Variants in RNLS observed in about 807,000 individuals in gnomAD.
RNLS encodes the protein renalase.
RNLS carries 39 observed loss-of-function variants against 39.8 expected under a neutral mutation model. That is an observed-to-expected ratio of 0.98 (90% CI 0.76 to 1.28). The LOEUF (loss-of-function observed/expected upper bound fraction) is 1.28. Ranked by LOEUF, RNLS falls within the 50% of genes most tolerant of loss-of-function variation. The pLI is 0.00. For synonymous variants in RNLS, 147 were observed against 150.7 expected (o/e 0.98, Z 0.18); for missense variants, 410 against 413.3 (o/e 0.99, Z 0.07).
chr10:88,174,297 GA>G, the RNLS span, among the ~76,000 whole-genome samples: 2 of 151,914 alleles, frequency 1.3e-5, no homozygotes, highest in African/African-American at 4.8e-5. Flanking sequence ...TGTTGGATAA[GA>G]GCAGTGAAAG....
At chr10:88,418,369 C>T (rs1854169041) in intron 4 of RNLS, among the ~76,000 whole-genome samples, 1 of 152,174 alleles carries the variant, frequency 6.6e-6, no homozygotes, top group Non-Finnish European at 1.5e-5. Flanking sequence ...CTAACCTTGA[C>T]TCCTAACACT....
chr10:88,313,777 C>T (rs537318451), intron 6 of RNLS, among the ~76,000 whole-genome samples: 1 of 152,234 alleles, frequency 6.6e-6, no homozygotes, highest in East Asian at 1.9e-4. Flanking sequence ...CTTCGTTGTC[C>T]CCTAAATGAC....
At chr10:88,241,614 C>G in the RNLS span, among the ~76,000 whole-genome samples, 1 of 152,106 alleles carries the variant, frequency 6.6e-6, no homozygotes. Context: ...AGATGATCAG[C>G]CATTCATTCT....
At chr10:88,380,709 G>C (rs1269715556) in intron 4 of RNLS, among the ~76,000 whole-genome samples, 1 of 152,038 alleles carries the variant, frequency 6.6e-6, no homozygotes, top group Admixed American at 6.6e-5. Context: ...TTAGAAAAAG[G>C]CTTTCCCATT....
At chr10:88,560,400 T>G (rs1849103095) in intron 4 of RNLS, among the ~76,000 whole-genome samples, 1 of 151,656 alleles carries the variant, frequency 6.6e-6, no homozygotes, top group Non-Finnish European at 1.5e-5. Flanking sequence ...TCTCAAAAGA[T>G]CTGGGAAACG....
At chr10:88,509,299 C>T (rs77595083) in intron 4 of RNLS, among the ~76,000 whole-genome samples, 1 of 152,060 alleles carries the variant, frequency 6.6e-6, no homozygotes, top group East Asian at 1.9e-4. Flanking sequence ...CAGAATTGCA[C>T]TTGTCTGTGA....
chr10:88,539,950 C>A (rs965158048), intron 4 of RNLS, among the ~76,000 whole-genome samples: 2 of 151,954 alleles, frequency 1.3e-5, no homozygotes, highest in Non-Finnish European at 2.9e-5. Flanking sequence ...AATACTACAG[C>A]CCGTAAACTA....
At chr10:88,194,428 C>A in the RNLS span, among the ~76,000 whole-genome samples, 1 of 152,240 alleles carries the variant, frequency 6.6e-6, no homozygotes, top group Non-Finnish European at 1.5e-5. Flanking sequence ...GACAAAGTGG[C>A]TCAAGCCTCC....
the RNLS span, among the ~76,000 whole-genome samples, chr10:88,230,847 A>G: frequency 6.6e-6 from 1 of 152,244 alleles, no homozygotes; most frequent in African/African-American, 2.4e-5. Context: ...AATTATTAGT[A>G]CCAATTAATA....
Position 88,438,270 on chromosome 10 carries a change from C to T in RNLS, c.527-75545G>A, listed in dbSNP as rs190712460. On this transcript the variant is annotated intron_variant, in intron 4 of 6. Transcript: ENST00000331772. ...GCAGAGGGCAAAATTGACACTCTGA[C>T]GATGGCAGAAGGAGAAAATAGAAAG... Among the ~76,000 whole-genome samples the T allele has an allele frequency of 4.2e-3, 634 of 152,150 alleles. 2 individuals carry two copies. The highest frequency in any genetic ancestry group is 0.01 in the Middle Eastern group (3 of 294).
In RNLS at chr10:88,284,145, TATA is replaced by T. The variant is rs1843122336; in HGVS notation, c.*1206_*1208del. 1.5e-5 allele frequency: 15 copies of T among 985,274 alleles called. No individual in the cohort carries two copies. Among genetic ancestry groups the T allele is most frequent in the African/African-American group, 1.7e-5 (1 of 57,342 alleles). The allele number at this position is 985,274 out of a possible 1,614,324, so 61.0% of individuals were successfully genotyped here. A position where few individuals can be genotyped will look rare whatever the true frequency, so the allele number is the denominator to read the frequency against. Reference sequence around the variant, plus strand: ...ACCAATTTATTGCTAAGAGGAAACATATAATAATATGCTATAGGGTCATAAAAC... The same window carrying T: ...ACCAATTTATTGCTAAGAGGAAACATATAATATGCTATAGGGTCATAAAAC... On this transcript the variant is annotated 3_prime_UTR_variant, in exon 7 of 7. Transcript: ENST00000331772.
At chr10:88,238,706 A>G in the RNLS span, among the ~76,000 whole-genome samples, 1 of 152,220 alleles carries the variant, frequency 6.6e-6, no homozygotes, top group Non-Finnish European at 1.5e-5. Context: ...CACGCTGTGG[A>G]GCCAACATGT....
intron 4 of RNLS, among the ~76,000 whole-genome samples, chr10:88,404,944 T>C (rs1389641972): frequency 6.6e-6 from 1 of 151,972 alleles, no homozygotes. Context: ...AATTGGCAAA[T>C]AAATATTCTC....
intron 4 of RNLS, among the ~76,000 whole-genome samples, chr10:88,413,729 G>A (rs1853844335): frequency 6.6e-6 from 1 of 152,196 alleles, no homozygotes; most frequent in Admixed American, 6.5e-5. Context: ...TTGGTTGACA[G>A]ATAGGATTTG....
intron 4 of RNLS, among the ~76,000 whole-genome samples, chr10:88,549,477 G>C (rs767192659): frequency 3.9e-5 from 6 of 152,022 alleles, no homozygotes; most frequent in Non-Finnish European, 8.8e-5. Flanking sequence ...GAAGCAGGAG[G>C]ATCAATTAAG....
At chr10:88,222,546 C>G in the RNLS span, among the ~76,000 whole-genome samples, 1 of 152,068 alleles carries the variant, frequency 6.6e-6, no homozygotes, top group African/African-American at 2.4e-5. Flanking sequence ...TGTCATGAAC[C>G]TCAGATGACA....
intron 6 of RNLS, among the ~76,000 whole-genome samples, chr10:88,287,480 C>T (rs1038826006): frequency 1.3e-5 from 2 of 152,074 alleles, no homozygotes; most frequent in African/African-American, 4.8e-5. Context: ...TAAAACACTA[C>T]AGGAAGAAGA....
At chr10:88,428,475 A>C (rs1288276048) in intron 4 of RNLS, among the ~76,000 whole-genome samples, 1 of 152,018 alleles carries the variant, frequency 6.6e-6, no homozygotes, top group African/African-American at 2.4e-5. Flanking sequence ...GCACAACCGA[A>C]GACTAATCTG....
Position 88,321,039 on chromosome 10 carries a change from T to C in RNLS, c.701-6398A>G, listed in dbSNP as rs111229051. ...ACAGAACAGTCTCTAAAATTGACTA[T>C]ATGATTGGCCATATAGCAAATCTTA... On this transcript the variant is annotated intron_variant, in intron 5 of 6. Coordinates refer to ENST00000331772, the MANE Select transcript of RNLS (RefSeq NM_001031709.3). Among the ~76,000 whole-genome samples, 506 of 151,964 alleles carry C rather than the reference T, an allele frequency of 3.3e-3. 4 individuals carry two copies. Among genetic ancestry groups the C allele is most frequent in the African/African-American group, 0.011 (442 of 41,420 alleles).
Sources: gnomAD v4.1 joint callset for allele counts (sites outside exome capture counted in the v4.1 genomes callset) on GRCh38, gnomAD v4.1.1 for gene constraint, MANE v1.5 for transcripts, NCBI Gene and HGNC (gene_info 2026-07-23, HGNC 2026-07-21) for gene names.